The following ALAD variants were observed in gnomAD, a reference collection of about 807,000 sequenced individuals.
The protein encoded by ALAD is delta-aminolevulinic acid dehydratase.
Under a neutral mutation model 44.4 loss-of-function variants are expected in ALAD, and 20 were observed. The ratio of observed to expected loss-of-function variants is 0.45; its 90% CI spans 0.32 to 0.65. ALAD has a LOEUF of 0.65. ALAD is among the 30% of genes least tolerant of loss of function. ALAD has a pLI of 0.05. For missense variants in ALAD, 323 were observed against 445.7 expected, an observed-to-expected ratio of 0.72 and a Z score of 2.48; for synonymous variants, 156 against 167.9, an observed-to-expected ratio of 0.93 and a Z score of 0.55.
chr9:113,392,419 A>G, intron 2 of ALAD: 1 of 1,146,510 alleles, frequency 8.7e-7, no homozygotes, highest in Non-Finnish European at 1.2e-6. Context: ...GGAAGGAATT[A>G]AGTGGTTAAG....
intron 1 of ALAD, among the ~76,000 whole-genome samples, chr9:113,395,886 C>T (rs1405272271): frequency 2.0e-5 from 3 of 152,120 alleles, no homozygotes; most frequent in South Asian, 2.1e-4. Flanking sequence ...GGTGAAACTC[C>T]GTCTCTACTA....
In ALAD at chr9:113,389,928, G is replaced by C; in HGVS notation, c.571-100C>G. On this transcript the variant is annotated intron_variant, in intron 7 of 11. Transcript: ENST00000409155. ...AAGAACCTAGGCTGGGAAGGAGACTGCCTGTGTTCTGGTCCTGTTGGAGTG... is the reference window on the plus strand; with the variant it reads ...AAGAACCTAGGCTGGGAAGGAGACTCCCTGTGTTCTGGTCCTGTTGGAGTG... The C allele has an allele frequency of 2.1e-6, 3 of 1,424,396 alleles. No homozygotes were observed. In the South Asian group the frequency reaches 3.6e-5, roughly 17 times the overall value. The allele number at this position is 1,424,396 out of a possible 1,614,324, so 88.2% of individuals were successfully genotyped here.
At chr9:113,389,168 C>T (rs1588082144) in intron 10 of ALAD, 62 bp from the exon 11 acceptor site, 1 of 1,601,906 alleles carries the variant, frequency 6.2e-7, no homozygotes, top group South Asian at 1.1e-5. Flanking sequence ...CTGGAAGCGT[C>T]CCTTCCCCCC....
In ALAD at chr9:113,387,986, G is replaced by C; in HGVS notation, c.*314C>G. 4.7e-6 allele frequency: 2 copies of C among 423,154 alleles called. No homozygotes were observed. The highest frequency in any genetic ancestry group is 8.9e-6 in the Non-Finnish European group (2 of 225,082). The allele number at this position is 423,154 out of a possible 1,614,324, so 26.2% of individuals were successfully genotyped here. On this transcript the variant is annotated 3_prime_UTR_variant, in exon 12 of 12. Coordinates refer to ENST00000409155, the MANE Select transcript of ALAD (RefSeq NM_000031.6). ...ACCCTCTCCCAGCCAGGCCCCAAAGGCTGTGCCCCCGACTCCAGGTTGCTT... is the reference window on the plus strand; with the variant it reads ...ACCCTCTCCCAGCCAGGCCCCAAAGCCTGTGCCCCCGACTCCAGGTTGCTT...
chr9:113,392,764 T>G (rs1320251615), intron 2 of ALAD, among the ~76,000 whole-genome samples: 1 of 151,622 alleles, frequency 6.6e-6, no homozygotes, highest in Non-Finnish European at 1.5e-5. Flanking sequence ...TGGTAGATAG[T>G]AAGTACTCAG....
Position 113,390,862 on chromosome 9 carries a change from G to A in ALAD, c.333C>T (p.Thr111=). The change falls in exon 5 of 12, where the codon ACC becomes ACT. Residue 111 remains threonine, a synonymous_variant. Coordinates refer to ENST00000409155, the MANE Select transcript of ALAD (RefSeq NM_000031.6). ...AIEAIHLLRK[T]FPNLLVACDV... ...CACAGGCCACCAGGAGGTTGGGGAA[G>A]GTCTTCCTCAACAGATGGATTGCCT... 6.2e-7 allele frequency: 1 copy of A among 1,614,140 alleles called. No homozygotes were observed. Among genetic ancestry groups the A allele is most frequent in the East Asian group, 2.2e-5 (1 of 44,874 alleles).
chr9:113,391,265 C>T (rs992999506), intron 4 of ALAD, among the ~76,000 whole-genome samples: 4 of 152,100 alleles, frequency 2.6e-5, no homozygotes, highest in East Asian at 3.9e-4. Context: ...TGCACTGGCG[C>T]GATTTTGGCT....
At chr9:113,393,721 G>T (rs1827659093) in intron 1 of ALAD, 87 bp from the exon 2 acceptor site, 2 of 628,926 alleles carry the variant, frequency 3.2e-6, no homozygotes, top group East Asian at 5.4e-5. Context: ...CTAGATTCCT[G>T]CCTCCCCTCT....
chr9:113,389,170 CT>C, intron 10 of ALAD, 64 bp from the exon 11 acceptor site: 1 of 1,601,492 alleles, frequency 6.2e-7, no homozygotes, highest in Non-Finnish European at 8.5e-7. Context: ...GGAAGCGTCC[CT>C]TCCCCCCTGC....
In ALAD at chr9:113,389,450, C is replaced by G. The variant is rs1358773470; in HGVS notation, c.789G>C (p.Glu263Asp). 1.9e-6 allele frequency: 3 copies of G among 1,613,478 alleles called. No individual in the cohort carries two copies. Among genetic ancestry groups the G allele is most frequent in the Non-Finnish European group, 2.5e-6 (3 of 1,180,046 alleles). Reference sequence around the variant, plus strand: ...TACCTGTGCTCACCTTGTCCTTTACCTCCCGCACGATGTCCAGGTAGGGCA... The same window carrying G: ...TACCTGTGCTCACCTTGTCCTTTACGTCCCGCACGATGTCCAGGTAGGGCA... ...PGMPYLDIVR[E>D]VKDKHPDLPL... Residue 263 changes from glutamate to aspartate, a missense_variant, in exon 10 of 12, where the codon GAG becomes GAC. Coordinates refer to ENST00000409155, the MANE Select transcript of ALAD (RefSeq NM_000031.6).
chr9:113,397,709 C>T (rs1019955592), intron 1 of ALAD, among the ~76,000 whole-genome samples: 1 of 149,604 alleles, frequency 6.7e-6, no homozygotes, highest in Admixed American at 6.7e-5. Context: ...ACTGCAACCT[C>T]CACCTCCTGG....
rs1423241248 is a variant in ALAD at position 113,386,848 on chromosome 9, T to C, written c.*1452A>G. On this transcript the variant is annotated 3_prime_UTR_variant, in exon 12 of 12. Transcript: ENST00000409155. ...ACCCCGACCCTGCTTCTGTTCCTCT[T>C]CCAGGCTGCCCCATCTCAGTAAATG... The C allele has an allele frequency of 6.6e-6, 1 of 152,178 alleles. No individual in the cohort carries two copies. Among genetic ancestry groups the C allele is most frequent in the African/African-American group, 2.4e-5 (1 of 41,418 alleles). The allele number at this position is 152,178 out of a possible 1,614,324, so 9.4% of individuals were successfully genotyped here. A position where few individuals can be genotyped will look rare whatever the true frequency, so the allele number is the denominator to read the frequency against.
chr9:113,398,288 A>G (rs772183913), intron 1 of ALAD, among the ~76,000 whole-genome samples: 2 of 152,218 alleles, frequency 1.3e-5, no homozygotes, highest in Non-Finnish European at 2.9e-5. Context: ...TGACTTGCTT[A>G]ATGCCATTCT....
chr9:113,390,433 G>T lies in ALAD; in HGVS notation c.542C>A (p.Ala181Asp), dbSNP rs777168994. The T allele has an allele frequency of 1.2e-6, 2 of 1,613,990 alleles. No individual in the cohort carries two copies. Among genetic ancestry groups the T allele is most frequent in the Non-Finnish European group, 1.7e-6 (2 of 1,180,030 alleles). The change falls in exon 7 of 12, where the codon GCC becomes GAC. Residue 181 changes from alanine (A) to aspartate (D), a missense_variant. Physicochemically the swap from Ala to Asp is moderately radical, Grantham distance 126. Coordinates refer to ENST00000409155, the MANE Select transcript of ALAD (RefSeq NM_000031.6). The part of the protein sequence containing the change: ...MDGRVEAIKE[A>D]LMAHGLGNRV... ...GTTGCCAAGTCCATGTGCCATCAGGGCCTCTTTGATGGCTTCCACGCGTCC... is the reference window on the plus strand; with the variant it reads ...GTTGCCAAGTCCATGTGCCATCAGGTCCTCTTTGATGGCTTCCACGCGTCC...
In ALAD at chr9:113,388,120, G is replaced by A. The variant is rs1046962431; in HGVS notation, c.*180C>T. ...TTGGGAGAGCTCATAGGATGCAGCT[G>A]CGAGTTACAAGAGTTAGCATGCTGG... On this transcript the variant is annotated 3_prime_UTR_variant, in exon 12 of 12. Transcript: ENST00000409155. The A allele has an allele frequency of 3.0e-6, 2 of 676,464 alleles. No individual in the cohort carries two copies. The highest frequency in any genetic ancestry group is 2.7e-5 in the East Asian group (1 of 36,424). 41.9% of individuals were successfully genotyped at this position (676,464 alleles called of 1,614,324 possible).
intron 2 of ALAD, 144 bp downstream of exon 2, chr9:113,393,303 G>A (rs1827643598): frequency 2.7e-6 from 2 of 730,594 alleles, no homozygotes; most frequent in East Asian, 5.4e-5. Context: ...AATCCAAGTA[G>A]CCTGCTTCCA....
At chr9:113,392,656 C>T (rs1413204931) in intron 2 of ALAD, 1 of 170,906 alleles carries the variant, frequency 5.9e-6, no homozygotes, top group Admixed American at 5.6e-5. Flanking sequence ...CATCCCTGCC[C>T]TCATGGAGCT....
rs377694098 is a variant in ALAD at position 113,389,581 on chromosome 9, C to G, written c.714+18G>C. 5.6e-6 allele frequency: 9 copies of G among 1,613,994 alleles called. No homozygotes were observed. In the African/African-American group the frequency reaches 1.2e-4, roughly 22 times the overall value. ...CTAGGAGGGGGCTGAGGGTGGGGCT[C>G]AAGTCCTAGTCACTCACCACAGCTC... On this transcript the variant is annotated intron_variant, in intron 9 of 11. Transcript: ENST00000409155.
At chr9:113,401,019 C>T (rs1017692873) in intron 1 of ALAD, among the ~76,000 whole-genome samples, 193 bp downstream of exon 1, 6 of 152,132 alleles carry the variant, frequency 3.9e-5, no homozygotes, top group East Asian at 1.9e-4. Flanking sequence ...CGAACCCGGG[C>T]CCCCAACCTC....
Sources: gnomAD v4.1 joint callset for allele counts (sites outside exome capture counted in the v4.1 genomes callset) on GRCh38, gnomAD v4.1.1 for gene constraint, MANE v1.5 for transcripts, NCBI Gene and HGNC (gene_info 2026-07-23, HGNC 2026-07-21) for gene names.